The following COPB1 variants were observed in gnomAD, a reference collection of about 807,000 sequenced individuals.
The protein encoded by COPB1 is coatomer subunit beta.
Under a neutral mutation model 108.7 loss-of-function variants are expected in COPB1, and 21 were observed. The ratio of observed to expected loss-of-function variants is 0.19; its 90% CI spans 0.14 to 0.28. COPB1 has a LOEUF of 0.28. Among genes scored for constraint, COPB1 ranks in the 10% least tolerant of loss-of-function variants. The pLI is 1.00. For missense variants in COPB1, 919 were observed against 1,141.3 expected, an observed-to-expected ratio of 0.81 and a Z score of 2.81; for synonymous variants, 378 against 386.8, an observed-to-expected ratio of 0.98 and a Z score of 0.27.
chr11:14,465,503 T>C (rs1850264888), intron 17 of COPB1, among the ~76,000 whole-genome samples: 1 of 152,182 alleles, frequency 6.6e-6, no homozygotes, highest in Non-Finnish European at 1.5e-5. Context: ...TGGCTAATTT[T>C]CTTGATTTTT....
At chr11:14,481,472 CA>C (rs1850657264) in intron 8 of COPB1, among the ~76,000 whole-genome samples, 2 of 152,002 alleles carry the variant, frequency 1.3e-5, no homozygotes, top group African/African-American at 4.8e-5. Context: ...AAATCAGTGT[CA>C]TAAAAAAAAG....
chr11:14,458,510 T>C lies in COPB1; in HGVS notation c.2802+22A>G, dbSNP rs201931925. The C allele has an allele frequency of 4.2e-4, 667 of 1,594,402 alleles. 2 individuals are homozygous for C. The highest frequency in any genetic ancestry group is 5.2e-4 in the Non-Finnish European group (607 of 1,173,336). The stretch of plus-strand genomic sequence containing the variant: ...CCCCTTTGTCAGTCCAGAGATACTC[T>C]CAAAAAAAAAGGAACTGTTACCTGG... On this transcript the variant is annotated intron_variant, in intron 21 of 21. Coordinates refer to ENST00000439561, the MANE Select transcript of COPB1 (RefSeq NM_001144061.2).
At chr11:14,477,395 A>AAAAAAAAAAAAAAAAAAAAAAC (rs1565017838) in intron 11 of COPB1, among the ~76,000 whole-genome samples, 7 of 141,722 alleles carry the variant, frequency 4.9e-5, no homozygotes, top group African/African-American at 1.8e-4. Context: ...GTCTCAAAAA[A>AAAAAAAAAAAAAAAAAAAAAAC]AAAAAAAAAA....
At chr11:14,461,618 T>G (rs1850154149) in intron 18 of COPB1, among the ~76,000 whole-genome samples, 1 of 152,196 alleles carries the variant, frequency 6.6e-6, no homozygotes, top group Non-Finnish European at 1.5e-5. Context: ...GGGGATAGGA[T>G]TCGAACTCAG....
Position 14,458,649 on chromosome 11 carries a change from A to C in COPB1, c.2685T>G (p.Leu895=). 6.2e-7 allele frequency: 1 copy of C among 1,613,372 alleles called. No individual in the cohort carries two copies. The highest frequency in any genetic ancestry group is 1.1e-5 in the South Asian group (1 of 90,918). The part of the protein sequence containing the change: ...SGYCGFMAAN[L]YARSIFGEDA... Reference sequence around the variant, plus strand: ...CTTCACCAAATATGGAACGAGCATAAAGGTTGGCTGCCATAAAGCCACAGT... The same window carrying C: ...CTTCACCAAATATGGAACGAGCATACAGGTTGGCTGCCATAAAGCCACAGT... The change falls in exon 21 of 22, where the codon CTT becomes CTG. Residue 895 remains leucine, a synonymous_variant. Transcript: ENST00000439561.
At chr11:14,477,523 C>T (rs1850554962) in intron 11 of COPB1, among the ~76,000 whole-genome samples, 1 of 151,674 alleles carries the variant, frequency 6.6e-6, no homozygotes, top group South Asian at 2.1e-4. Flanking sequence ...GAAACCCCAT[C>T]TCTACTAAAA....
Position 14,479,721 on chromosome 11 carries a change from G to T in COPB1, c.1213-7C>A, listed in dbSNP as rs200937608. 3.4e-6 allele frequency: 4 copies of T among 1,171,902 alleles called. No individual in the cohort carries two copies. The highest frequency in any genetic ancestry group is 4.6e-6 in the Non-Finnish European group (4 of 876,384). 72.6% of individuals were successfully genotyped at this position (1,171,902 alleles called of 1,614,324 possible). ...CACTGAGAAATTCCATTAACTAAAA[G>T]AAAAAAAAAAAAAAGAAAATGGAAC... On this transcript the variant is annotated splice_region_variant and splice_polypyrimidine_tract_variant and intron_variant, in intron 10 of 21. Transcript: ENST00000439561.
chr11:14,479,723 A>AG lies in COPB1; in HGVS notation c.1213-10_1213-9insC. 1.6e-6 allele frequency: 2 copies of AG among 1,286,196 alleles called. No homozygotes were observed. Among genetic ancestry groups the AG allele is most frequent in the Non-Finnish European group, 2.1e-6 (2 of 951,992 alleles). The allele number at this position is 1,286,196 out of a possible 1,614,324, so 79.7% of individuals were successfully genotyped here. A position where few individuals can be genotyped will look rare whatever the true frequency, so the allele number is the denominator to read the frequency against. ...CTGAGAAATTCCATTAACTAAAAGA[A>AG]AAAAAAAAAAAAGAAAATGGAACTA... is the stretch of plus-strand genomic sequence containing the variant. On this transcript the variant is annotated splice_polypyrimidine_tract_variant and intron_variant, in intron 10 of 21. Coordinates refer to ENST00000439561, the MANE Select transcript of COPB1 (RefSeq NM_001144061.2).
rs1325323638 is a variant in COPB1 at position 14,469,505 on chromosome 11, G to A, written c.1796C>T (p.Ser599Phe). ...MATILHLGKS[S>F]LPKKPITDDD... ...ATCAGTAATTGGCTTCTTAGGAAGA[G>A]AGGATTTTCCCAAATGCAGGATAGT... The change falls in exon 15 of 22, where the codon TCT (serine) becomes TTT (phenylalanine). Residue 599 changes from serine to phenylalanine, a missense_variant. By Grantham distance (155) the Ser-to-Phe change is radical (BLOSUM62 -2). Around this residue, in one of 5 missense-constraint regions of COPB1, gnomAD observed 705 missense variants for 817.8 expected, o/e 0.86. Transcript: ENST00000439561. 2 of 1,614,194 alleles carry A rather than the reference G, an allele frequency of 1.2e-6. No homozygotes were observed. The highest frequency in any genetic ancestry group is 1.7e-6 in the Non-Finnish European group (2 of 1,180,046).
At chr11:14,465,757 T>C (rs1249873889) in intron 17 of COPB1, among the ~76,000 whole-genome samples, 1 of 152,170 alleles carries the variant, frequency 6.6e-6, no homozygotes, top group Non-Finnish European at 1.5e-5. Flanking sequence ...TGAAATCTGA[T>C]GGGGGTACTG....
Position 14,490,675 on chromosome 11 carries a change from A to C in COPB1, c.496T>G (p.Phe166Val). The C allele has an allele frequency of 6.3e-7, 1 of 1,578,638 alleles. No homozygotes were observed. The highest frequency in any genetic ancestry group is 1.1e-5 in the South Asian group (1 of 87,802). ...VLAIYTIYRN[F>V]EHLIPDAPEL... is the part of the protein sequence containing the mutation. ...GGAGCATCAGGTATAAGATGTTCAA[A>C]ATTTCTTTAAATAAAACAGGTAACA... The change falls in exon 5 of 22, where the codon TTT becomes GTT. Residue 166 changes from phenylalanine (F) to valine (V), a missense_variant. This residue lies in a region of COPB1 where 78 missense variants were observed against 95.4 expected (regional missense o/e 0.82). Transcript: ENST00000439561.
intron 18 of COPB1, among the ~76,000 whole-genome samples, chr11:14,461,922 T>A (rs1850163082): frequency 1.3e-5 from 2 of 152,206 alleles, no homozygotes; most frequent in South Asian, 4.1e-4. Flanking sequence ...CCTATACACA[T>A]CTTCTCATAT....
intron 8 of COPB1, 68 bp from the exon 9 acceptor site, chr11:14,481,165 C>T (rs780365236): frequency 4.3e-6 from 5 of 1,155,436 alleles, no homozygotes; most frequent in Non-Finnish European, 6.3e-6. Flanking sequence ...ATCTTCACTG[C>T]AGAATGGTGG....
intron 18 of COPB1, among the ~76,000 whole-genome samples, chr11:14,462,932 G>A (rs868639716): frequency 2.0e-5 from 3 of 151,930 alleles, no homozygotes; most frequent in African/African-American, 7.3e-5. Context: ...TCAAAGCCAA[G>A]ATCCTACACT....
chr11:14,469,291 G>C, intron 15 of COPB1, 45 bp downstream of exon 15: 1 of 1,510,526 alleles, frequency 6.6e-7, no homozygotes, highest in Non-Finnish European at 9.2e-7. Flanking sequence ...GCCACTGCAC[G>C]AAGAGACACA....
At chr11:14,464,067 T>C (rs1379198372) in intron 18 of COPB1, among the ~76,000 whole-genome samples, 1 of 152,228 alleles carries the variant, frequency 6.6e-6, no homozygotes, top group Non-Finnish European at 1.5e-5. Flanking sequence ...ATCCTTAGCA[T>C]GACAAGTAAA....
rs752769045 is a variant in COPB1, at chr11:14,480,910, T to G, written c.1066-5A>C. 3 of 1,613,622 alleles carry G rather than the reference T, an allele frequency of 1.9e-6. No homozygotes were observed. In the African/African-American group the frequency reaches 4.0e-5, roughly 22 times the overall value. ...CTTCTTCAGGACAATAACCAGCTTA[T>G]AGAATGAAGTAAAAATAAGTGAGAG... On this transcript the variant is annotated splice_region_variant and splice_polypyrimidine_tract_variant and intron_variant, in intron 9 of 21. Transcript: ENST00000439561.
chr11:14,460,011 C>A lies in COPB1; in HGVS notation c.2646+197G>T, dbSNP rs1850109371. On this transcript the variant is annotated intron_variant, in intron 20 of 21. Coordinates refer to ENST00000439561, the MANE Select transcript of COPB1 (RefSeq NM_001144061.2). ...ATCTGACTATTCAGTTGGGTCACTG[C>A]ACTAGGAAAAAGTAGGATGGTATAG... 13 of 449,090 alleles carry A rather than the reference C, an allele frequency of 2.9e-5. No homozygotes were observed. In the Admixed American group the frequency reaches 4.6e-4, roughly 16 times the overall value. The allele number at this position is 449,090 out of a possible 1,614,324, so 27.8% of individuals were successfully genotyped here.
Position 14,474,711 on chromosome 11 carries a change from T to C in COPB1, c.1617-96A>G. On this transcript the variant is annotated intron_variant, in intron 13 of 21. Transcript: ENST00000439561. ...GATATAGGCCTATTAAACACTCTTA[T>C]TACCATCCTTCAGTGATAAGGATAC... 3 of 1,499,320 alleles carry C rather than the reference T, an allele frequency of 2.0e-6. No individual in the cohort carries two copies. In the South Asian group the frequency reaches 4.0e-5, roughly 20 times the overall value. The allele number at this position is 1,499,320 out of a possible 1,614,324, so 92.9% of individuals were successfully genotyped here. A position where few individuals can be genotyped will look rare whatever the true frequency, so the allele number is the denominator to read the frequency against.
Sources: gnomAD v4.1 joint callset for allele counts (sites outside exome capture counted in the v4.1 genomes callset) on GRCh38, gnomAD v4.1.1 for gene constraint, gnomAD v4.1.1 regional missense constraint, MANE v1.5 for transcripts, NCBI Gene and HGNC (gene_info 2026-07-23, HGNC 2026-07-21) for gene names.